Variants in CHD7 observed in about 807,000 individuals in gnomAD.
CHD7 encodes chromodomain helicase DNA binding protein 7.
In CHD7, 24 loss-of-function variants were observed where a neutral mutation model predicts 307.3. The ratio of observed to expected loss-of-function variants is 0.08; its 90% CI spans 0.06 to 0.11. The LOEUF (loss-of-function observed/expected upper bound fraction) is 0.11. Ranked by LOEUF, CHD7 falls within the 10% of genes least tolerant of loss-of-function variation. The probability of loss-of-function intolerance (pLI) is 1.00; values close to 1 mark genes in which losing one functional copy is unlikely to be tolerated. For synonymous variants in CHD7, 1,363 were observed against 1,349.9 expected, an observed-to-expected ratio of 1.01 and a Z score of -0.21; for missense variants, 3,106 against 3,727.1, an observed-to-expected ratio of 0.83 and a Z score of 4.34.
intron 17 of CHD7, 31 bp downstream of exon 17, chr8:60,837,043 A>G (rs905841947): frequency 1.3e-6 from 2 of 1,537,164 alleles, no homozygotes; most frequent in Admixed American, 1.8e-5. Flanking sequence ...TGATGCCTTT[A>G]AAAAGGAAGT....
chr8:60,705,304 C>T (rs956319020), intron 1 of CHD7, among the ~76,000 whole-genome samples: 4 of 152,132 alleles, frequency 2.6e-5, no homozygotes, highest in Admixed American at 1.3e-4. Flanking sequence ...CAGAGGGGCT[C>T]CTATTTTCTC....
chr8:60,732,920 A>G (rs1406247737), intron 1 of CHD7, among the ~76,000 whole-genome samples: 1 of 152,050 alleles, frequency 6.6e-6, no homozygotes, highest in African/African-American at 2.4e-5. Context: ...CTACCATATT[A>G]CAATTAATTA....
chr8:60,810,380 A>AGAGTGTGTGTGT (rs534826288), intron 7 of CHD7, among the ~76,000 whole-genome samples: 309 of 146,084 alleles, frequency 2.1e-3, no homozygotes, highest in Non-Finnish European at 4.1e-3. Flanking sequence ...AGAGAGAGAG[A>AGAGTGTGTGTGT]GTGTGTGTGT....
chr8:60,714,977 T>C (rs1432066021), intron 1 of CHD7, among the ~76,000 whole-genome samples: 1 of 152,260 alleles, frequency 6.6e-6, no homozygotes, highest in Admixed American at 6.5e-5. Context: ...GGGAATATTC[T>C]GCCGGCAGCC....
chr8:60,808,126 T>A, intron 6 of CHD7, 91 bp from the exon 7 acceptor site: 1 of 869,286 alleles, frequency 1.2e-6, no homozygotes. Context: ...TTTTCAGTCC[T>A]ATTTTGTGCT....
At chr8:60,848,656 C>A in intron 24 of CHD7, 52 bp downstream of exon 24, 1 of 1,373,590 alleles carries the variant, frequency 7.3e-7, no homozygotes, top group Admixed American at 1.8e-5. Context: ...ATCTGGGTAG[C>A]CGGAAAACAT....
intron 21 of CHD7, 24 bp from the exon 22 acceptor site, chr8:60,844,840 G>C (rs758834052): frequency 1.9e-6 from 3 of 1,557,834 alleles, no homozygotes; most frequent in Non-Finnish European, 2.6e-6. Flanking sequence ...AGGCACCTCT[G>C]CATGCTGGAT....
At chr8:60,681,185 C>T (rs1805608169) in intron 1 of CHD7, among the ~76,000 whole-genome samples, 1 of 152,138 alleles carries the variant, frequency 6.6e-6, no homozygotes, top group African/African-American at 2.4e-5. Flanking sequence ...GCATGGCTAC[C>T]TGATTTATCC....
chr8:60,742,356 G>T lies in CHD7; in HGVS notation c.924G>T (p.Gly308=), dbSNP rs1238123231. Residue 308 remains glycine, a synonymous_variant, in exon 2 of 38, where the codon GGG becomes GGT. Transcript: ENST00000423902. Reference sequence around the variant, plus strand: ...CCTCTCCTACTATAAACAACTCAGGGCAGTATTCTCGATATCCTTACAGTA... The same window carrying T: ...CCTCTCCTACTATAAACAACTCAGGTCAGTATTCTCGATATCCTTACAGTA... ...TVPSPTINNS[G]QYSRYPYSNL... is the part of the protein sequence containing the mutation. The T allele has an allele frequency of 6.2e-7, 1 of 1,613,930 alleles. No homozygotes were observed. The highest frequency in any genetic ancestry group is 1.7e-5 in the Admixed American group (1 of 60,026).
intron 1 of CHD7, among the ~76,000 whole-genome samples, chr8:60,718,785 C>CCACT (rs140849935): frequency 5.7e-4 from 86 of 152,110 alleles, no homozygotes; most frequent in Middle Eastern, 3.4e-3. Context: ...TATTCATTCA[C>CCACT]CACTCACTCA....
chr8:60,802,824 G>A (rs1489692779), intron 6 of CHD7, among the ~76,000 whole-genome samples: 1 of 152,198 alleles, frequency 6.6e-6, no homozygotes, highest in East Asian at 1.9e-4. Context: ...ACATGTTATT[G>A]CACCAGCAGT....
chr8:60,767,939 G>C (rs1326015363), intron 2 of CHD7, among the ~76,000 whole-genome samples: 1 of 152,164 alleles, frequency 6.6e-6, no homozygotes, highest in African/African-American at 2.4e-5. Flanking sequence ...CCTCACAGAT[G>C]TTAGTTAGGT....
At chr8:60,708,691 C>T (rs577745186) in intron 1 of CHD7, among the ~76,000 whole-genome samples, 162 of 152,344 alleles carry the variant, frequency 1.1e-3, no homozygotes, top group Middle Eastern at 6.8e-3. Context: ...TTTTGCTTCG[C>T]CCTATTTCAA....
intron 1 of CHD7, among the ~76,000 whole-genome samples, chr8:60,708,407 A>G (rs1807117495): frequency 6.6e-6 from 1 of 152,130 alleles, no homozygotes; most frequent in Non-Finnish European, 1.5e-5. Context: ...CCTGCATTTC[A>G]GTGTCTACTG....
rs752789319 is a variant in CHD7, at chr8:60,848,503, C to T, written c.5211-12C>T. On this transcript the variant is annotated splice_polypyrimidine_tract_variant and intron_variant, in intron 23 of 37. Coordinates refer to ENST00000423902, the MANE Select transcript of CHD7 (RefSeq NM_017780.4). The stretch of plus-strand genomic sequence containing the variant: ...GTTAAGAACTTTTTCCCCCCTCTGT[C>T]TTCCTCTCCAGGGTCCTGCTGCGTG... The T allele has an allele frequency of 7.5e-6, 12 of 1,606,924 alleles. No homozygotes were observed. Among genetic ancestry groups the T allele is most frequent in the Non-Finnish European group, 1.0e-5 (12 of 1,175,320 alleles).
At position 60,849,139 on chromosome 8, in the gene CHD7, G is replaced by T; in HGVS notation, c.5389G>T (p.Gly1797Ter). 1 of 1,611,560 alleles carries T rather than the reference G, an allele frequency of 6.2e-7. No homozygotes were observed. The highest frequency in any genetic ancestry group is 1.1e-5 in the South Asian group (1 of 90,968). The change falls in exon 25 of 38, where the codon GGA becomes TGA. Residue 1797 changes from glycine (G) to a stop codon, truncating the protein, a stop_gained. Transcript: ENST00000423902. LOFTEE classifies it high-confidence loss of function. ...GGAAGCAGACAAATCCCTCTTAATT[G>T]GAGTGTTCAAACATGGTAAGTGACG... The part of the protein sequence containing the change: ...DKEADKSLLI[G>*]VFKHGYEKYN...
At chr8:60,755,813 G>A (rs1809864213) in intron 2 of CHD7, among the ~76,000 whole-genome samples, 1 of 152,164 alleles carries the variant, frequency 6.6e-6, no homozygotes, top group African/African-American at 2.4e-5. Context: ...ATATAACCGT[G>A]TACTGAAATG....
Position 60,822,546 on chromosome 8 carries a change from A to G in CHD7, c.3001A>G (p.Ile1001Val), listed in dbSNP as rs375374626. 10 of 1,613,506 alleles carry G rather than the reference A, an allele frequency of 6.2e-6. No individual in the cohort carries two copies. In the Admixed American group the frequency reaches 1.3e-4, roughly 22 times the overall value. The change falls in exon 12 of 38, where the codon ATC (isoleucine) becomes GTC (valine). Residue 1001 changes from isoleucine (I) to valine (V), a missense_variant. Ile to Val is a conservative substitution (Grantham distance 29, BLOSUM62 3). Coordinates refer to ENST00000423902, the MANE Select transcript of CHD7 (RefSeq NM_017780.4). ...AGATGAAATGGGTTTGGGAAAAACT[A>G]TCCAGTCCATTACATTTCTCTATGA... ...LADEMGLGKT[I>V]QSITFLYEIY...
intron 2 of CHD7, among the ~76,000 whole-genome samples, chr8:60,746,471 G>A (rs1031917783): frequency 3.3e-5 from 5 of 152,128 alleles, no homozygotes; most frequent in Admixed American, 2.0e-4. Flanking sequence ...TTGCTTTAGA[G>A]CTACTAAAAT....
Sources: allele counts gnomAD v4.1 joint callset (sites outside exome capture counted in the v4.1 genomes callset), GRCh38; gene constraint gnomAD v4.1.1; transcripts MANE v1.5; gene names NCBI Gene and HGNC (gene_info 2026-07-23, HGNC 2026-07-21).